TBX2: variants seen among roughly 807,000 people sequenced by gnomAD.
The protein encoded by TBX2 is T-box transcription factor TBX2.
A neutral mutation model predicts 48.4 loss-of-function variants in TBX2; 19 were observed. The ratio of observed to expected loss-of-function variants is 0.39; its 90% CI spans 0.27 to 0.58. The LOEUF is 0.58. TBX2 is among the 20% of genes least tolerant of loss of function. TBX2 has a pLI of 0.54. For synonymous variants in TBX2, 522 were observed against 459.7 expected (o/e 1.14, Z -1.73); for missense variants, 994 against 1,006.5 (o/e 0.99, Z 0.17).
rs143146008 is a variant in TBX2 at position 61,404,489 on chromosome 17, G to A, written c.879G>A (p.Arg293=). ...TCCGGGACACCGGGAACGGCCGGCG[G>A]GAGAAAAGGTGAGAGGCCGAGGACA... The part of the protein sequence containing the change: ...KGFRDTGNGR[R]EKRKQLTLPS... The change falls in exon 4 of 7, where the codon CGG becomes CGA. Residue 293 remains arginine (R), a synonymous_variant. Transcript: ENST00000240328. 6.2e-7 allele frequency: 1 copy of A among 1,611,564 alleles called. No homozygotes were observed. Among genetic ancestry groups the A allele is most frequent in the East Asian group, 2.2e-5 (1 of 44,790 alleles).
chr17:61,408,214 G>T lies in TBX2; in HGVS notation c.1847G>T (p.Arg616Leu). 2 of 1,612,876 alleles carry T rather than the reference G, an allele frequency of 1.2e-6. No homozygotes were observed. The highest frequency in any genetic ancestry group is 1.7e-6 in the Non-Finnish European group (2 of 1,179,896). The change falls in exon 7 of 7, where the codon CGG (arginine) becomes CTG (leucine). Residue 616 changes from arginine to leucine, a missense_variant. Coordinates refer to ENST00000240328, the MANE Select transcript of TBX2 (RefSeq NM_005994.4). ...LSRSPFLGSA[R>L]PRLRFSPYQI... Reference sequence around the variant, plus strand: ...CGGAGCCCCTTCCTGGGCAGTGCCCGGCCCCGACTGCGTTTCAGCCCCTAT... The same window carrying T: ...CGGAGCCCCTTCCTGGGCAGTGCCCTGCCCCGACTGCGTTTCAGCCCCTAT...
At chr17:61,404,292 G>A (rs1232269332) in intron 3 of TBX2, 129 bp from the exon 4 acceptor site, 2 of 1,174,466 alleles carry the variant, frequency 1.7e-6, no homozygotes, top group Admixed American at 5.5e-5. Flanking sequence ...CCCATCCCAG[G>A]CGGGTGGGTA....
rs1379017045 is a variant in TBX2, at chr17:61,400,445, G to C, written c.269G>C (p.Arg90Pro). Residue 90 changes from arginine to proline, a missense_variant, in exon 1 of 7, where the codon CGC (arginine) becomes CCC (proline). Transcript: ENST00000240328. The surrounding 1 kb of genome is among the most constrained non-coding windows in gnomAD (Gnocchi z 9.2). Reference protein sequence around the residue: ...LGPHPPAAHLRSLKSLEPEDE... With the variant: ...LGPHPPAAHLPSLKSLEPEDE... ...CCGCACCCGCCCGCCGCGCATCTGC[G>C]CTCCCTCAAGAGCCTGGAGCCCGAG... 3.8e-6 allele frequency: 6 copies of C among 1,588,280 alleles called. No homozygotes were observed. Among genetic ancestry groups the C allele is most frequent in the Non-Finnish European group, 4.3e-6 (5 of 1,169,062 alleles).
In TBX2 at chr17:61,402,935, A is replaced by T. The variant is rs2060269829; in HGVS notation, c.664-126A>T. On this transcript the variant is annotated intron_variant, in intron 2 of 6. Transcript: ENST00000240328. ...TGGGGAAGAGGAAGAACCGATAGAG[A>T]GAGAGAGAGAGAGAGAGAGAGAGAG... 5 of 905,800 alleles carry T rather than the reference A, an allele frequency of 5.5e-6. No individual in the cohort carries two copies. In the African/African-American group the frequency reaches 3.4e-4, roughly 62 times the overall value. 56.1% of individuals were successfully genotyped at this position (905,800 alleles called of 1,614,324 possible).
At position 61,408,140 on chromosome 17, in the gene TBX2, C is replaced by T. The variant is rs61756219; in HGVS notation, c.1773C>T (p.Pro591=). The T allele has an allele frequency of 1.1e-5, 18 of 1,611,502 alleles. No individual in the cohort carries two copies. Among genetic ancestry groups the T allele is most frequent in the Admixed American group, 5.0e-5 (3 of 59,934 alleles). ...CAGCCGCAGCCGCCTCGGCTTTGCC[C>T]GCCACTAGTGCTGCAGCTGCCGCCG... ...AAAAAAASAL[P]ATSAAAAAAA... is the part of the protein sequence containing the mutation. The change falls in exon 7 of 7, where the codon CCC becomes CCT. Residue 591 remains proline (P), a synonymous_variant. Coordinates refer to ENST00000240328, the MANE Select transcript of TBX2 (RefSeq NM_005994.4).
Position 61,403,005 on chromosome 17 carries a change from T to A in TBX2, c.664-56T>A, listed in dbSNP as rs2060271082. The A allele has an allele frequency of 6.6e-7, 1 of 1,526,268 alleles. No homozygotes were observed. Among genetic ancestry groups the A allele is most frequent in the Admixed American group, 2.2e-5 (1 of 46,252 alleles). 94.5% of individuals were successfully genotyped at this position (1,526,268 alleles called of 1,614,324 possible). On this transcript the variant is annotated intron_variant, in intron 2 of 6. Coordinates refer to ENST00000240328, the MANE Select transcript of TBX2 (RefSeq NM_005994.4). This position sits in a 1 kb window ranked among gnomAD's most constrained non-coding sequence, Gnocchi z 5.8. Reference sequence around the variant, plus strand: ...AGGAAGAGGTCAGGTACCCAAAGAATAGAAAAGCTCGGGCCGGGGCTGGTG... The same window carrying A: ...AGGAAGAGGTCAGGTACCCAAAGAAAAGAAAAGCTCGGGCCGGGGCTGGTG...
Position 61,406,755 on chromosome 17 carries a change from T to TGGGGGGGGGGGG in TBX2, c.1686+922_1686+923insGGGGGGGGGGGG, listed in dbSNP as rs1426016154. 1 of 82,376 alleles carries TGGGGGGGGGGGG rather than the reference T, an allele frequency of 1.2e-5. No individual in the cohort carries two copies. The highest frequency in any genetic ancestry group is 8.8e-5 in the African/African-American group (1 of 11,330). 5.1% of individuals were successfully genotyped at this position (82,376 alleles called of 1,614,324 possible). A position where few individuals can be genotyped will look rare whatever the true frequency, so the allele number is the denominator to read the frequency against. ...GTTGGTGGGTGGGGGGGTGGGGGGT[T>TGGGGGGGGGGGG]GGGAGGCAGGCGATTCTGAAATGAG... is the stretch of plus-strand genomic sequence containing the variant. On this transcript the variant is annotated intron_variant, in intron 6 of 6. Transcript: ENST00000240328. The surrounding 1 kb of genome is among the most constrained non-coding windows in gnomAD (Gnocchi z 5.7).
intron 5 of TBX2, 135 bp from the exon 6 acceptor site, chr17:61,405,067 C>A (rs2060282209): frequency 2.0e-6 from 3 of 1,502,540 alleles, no homozygotes; most frequent in Non-Finnish European, 2.7e-6. Context: ...ATTAGGTGAC[C>A]TGCAGCTGCC....
intron 3 of TBX2, 146 bp from the exon 4 acceptor site, chr17:61,404,275 G>C: frequency 1.0e-6 from 1 of 997,198 alleles, no homozygotes; most frequent in Non-Finnish European, 1.4e-6. Flanking sequence ...GCCTCAGCTC[G>C]GGGCGTCCCA....
Position 61,406,088 on chromosome 17 carries a change from C to T in TBX2, c.1686+252C>T, listed in dbSNP as rs1034133658. 1.8e-5 allele frequency: 7 copies of T among 380,860 alleles called. No homozygotes were observed. In the Admixed American group the frequency reaches 3.2e-4, roughly 17 times the overall value. The allele number at this position is 380,860 out of a possible 1,614,324, so 23.6% of individuals were successfully genotyped here. ...TGTGACCTTTGGCAAGTCCCTGACCCTCTCTGGGCCTGCTTCCTTCCCTAT... is the reference window on the plus strand; with the variant it reads ...TGTGACCTTTGGCAAGTCCCTGACCTTCTCTGGGCCTGCTTCCTTCCCTAT... On this transcript the variant is annotated intron_variant, in intron 6 of 6. Transcript: ENST00000240328. This position sits in a 1 kb window ranked among gnomAD's most constrained non-coding sequence, Gnocchi z 5.7.
chr17:61,402,777 T>C (rs563390986), intron 2 of TBX2, among the ~76,000 whole-genome samples: 1 of 152,214 alleles, frequency 6.6e-6, no homozygotes, highest in South Asian at 2.1e-4. Context: ...GTTTTTGCTC[T>C]GTCTCATTTC....
chr17:61,407,981 G>T, intron 6 of TBX2, 73 bp from the exon 7 acceptor site: 2 of 1,494,444 alleles, frequency 1.3e-6, no homozygotes, highest in East Asian at 4.6e-5. Context: ...GTGTCCAGGG[G>T]ATAGCACCCA....
rs1326086099 is a variant in TBX2 at position 61,404,477 on chromosome 17, G to C, written c.867G>C (p.Gly289=). The C allele has an allele frequency of 1.2e-6, 2 of 1,612,144 alleles. No individual in the cohort carries two copies. The highest frequency in any genetic ancestry group is 1.7e-6 in the Non-Finnish European group (2 of 1,179,386). The part of the protein sequence containing the change: ...NPFAKGFRDT[G]NGRREKRKQL... ...TTGCCAAGGGCTTCCGGGACACCGG[G>C]AACGGCCGGCGGGAGAAAAGGTGAG... The change falls in exon 4 of 7, where the codon GGG becomes GGC. Residue 289 remains glycine, a synonymous_variant. Coordinates refer to ENST00000240328, the MANE Select transcript of TBX2 (RefSeq NM_005994.4).
At chr17:61,402,495 C>T (rs936628064) in intron 2 of TBX2, among the ~76,000 whole-genome samples, 11 of 128,516 alleles carry the variant, frequency 8.6e-5, no homozygotes, top group Admixed American at 2.8e-4. Flanking sequence ...TTTGGGGGTT[C>T]TCTCCATTTA....
rs778275904 is a variant in TBX2, at chr17:61,401,800, G to T, written c.512G>T (p.Arg171Leu). Residue 171 changes from arginine (R) to leucine (L), a missense_variant, in exon 2 of 7, where the codon CGC (arginine) becomes CTC (leucine). Arg to Leu is a moderately radical substitution (Grantham distance 102). This residue lies in a region of TBX2 where 153 missense variants were observed against 166.2 expected (regional missense o/e 0.92). Transcript: ENST00000240328. Reference protein sequence around the residue: ...DDCRYKFHNSRWMVAGKADPE... With the variant: ...DDCRYKFHNSLWMVAGKADPE... ...TGCCGCTATAAGTTCCACAACTCGC[G>T]CTGGATGGTGGCGGGCAAGGCCGAC... The T allele has an allele frequency of 2.5e-6, 4 of 1,613,168 alleles. No homozygotes were observed. In the East Asian group the frequency reaches 6.7e-5, roughly 27 times the overall value.
chr17:61,408,593 T>A lies in TBX2; in HGVS notation c.*87T>A. 1 of 1,243,524 alleles carries A rather than the reference T, an allele frequency of 8.0e-7. No homozygotes were observed. Among genetic ancestry groups the A allele is most frequent in the Non-Finnish European group, 1.0e-6 (1 of 961,708 alleles). 77.0% of individuals were successfully genotyped at this position (1,243,524 alleles called of 1,614,324 possible). The stretch of plus-strand genomic sequence containing the variant: ...GGACGTGTACAGCACAGAATGAGTA[T>A]TTATTTAAATAAAGGAGAAAAGTGG... On this transcript the variant is annotated 3_prime_UTR_variant, in exon 7 of 7. Transcript: ENST00000240328.
chr17:61,402,042 G>A (rs528735533), intron 2 of TBX2, 91 bp downstream of exon 2: 2 of 1,496,904 alleles, frequency 1.3e-6, no homozygotes, highest in Middle Eastern at 2.2e-4. Context: ...GATCTCCCAG[G>A]GGGAAGCGCT....
At position 61,403,014 on chromosome 17, in the gene TBX2, TCGGGCC is replaced by T; in HGVS notation, c.664-46_664-41del. Reference sequence around the variant, plus strand: ...TCAGGTACCCAAAGAATAGAAAAGCTCGGGCCGGGGCTGGTGGCTGCCGGCTGACCC... The same window carrying T: ...TCAGGTACCCAAAGAATAGAAAAGCTGGGGCTGGTGGCTGCCGGCTGACCC... On this transcript the variant is annotated intron_variant, in intron 2 of 6. Coordinates refer to ENST00000240328, the MANE Select transcript of TBX2 (RefSeq NM_005994.4). The surrounding 1 kb of genome is among the most constrained non-coding windows in gnomAD (Gnocchi z 5.8). The T allele has an allele frequency of 6.4e-7, 1 of 1,555,126 alleles. No individual in the cohort carries two copies. The highest frequency in any genetic ancestry group is 8.6e-7 in the Non-Finnish European group (1 of 1,158,818).
intron 2 of TBX2, among the ~76,000 whole-genome samples, chr17:61,402,278 A>G (rs1603240974): frequency 6.6e-6 from 1 of 152,192 alleles, no homozygotes; most frequent in Non-Finnish European, 1.5e-5. Flanking sequence ...CACGGAGGTC[A>G]CCCTGCTCTT....
Sources: gnomAD v4.1 joint callset for allele counts (sites outside exome capture counted in the v4.1 genomes callset) on GRCh38, gnomAD v4.1.1 for gene constraint, gnomAD v4.1.1 regional missense constraint, Gnocchi (gnomAD v3.1) non-coding constraint, MANE v1.5 for transcripts, NCBI Gene and HGNC (gene_info 2026-07-23, HGNC 2026-07-21) for gene names.